Variants in UBE3C observed in about 807,000 individuals in gnomAD.
The protein encoded by UBE3C is ubiquitin protein ligase E3C, also known as ubiquitin-protein ligase E3C.
UBE3C carries 42 observed loss-of-function variants against 129.4 expected under a neutral mutation model. The ratio of observed to expected loss-of-function variants is 0.32; its 90% CI spans 0.25 to 0.42. UBE3C has a LOEUF of 0.42. UBE3C is among the 10% of genes least tolerant of loss of function. The pLI, the probability that UBE3C is intolerant of heterozygous loss-of-function variation, is 1.00. For synonymous variants in UBE3C, 510 were observed against 492.4 expected (o/e 1.04, Z -0.47); for missense variants, 1,049 against 1,319.1 (o/e 0.80, Z 3.17).
intron 10 of UBE3C, among the ~76,000 whole-genome samples, chr7:157,199,961 T>C (rs1809234923): frequency 6.6e-6 from 1 of 152,158 alleles, no homozygotes; most frequent in African/African-American, 2.4e-5. Flanking sequence ...GGAGACCCCG[T>C]TTGAGATTCT....
intron 15 of UBE3C, chr7:157,221,025 C>T (rs1795722661): frequency 2.4e-6 from 1 of 423,012 alleles, no homozygotes; most frequent in East Asian, 4.5e-5. Flanking sequence ...CCAAAGGGAA[C>T]CATGCTGTGT....
Position 157,216,720 on chromosome 7 carries a change from G to A in UBE3C, c.1810-147G>A, listed in dbSNP as rs1030545100. 3 of 645,270 alleles carry A rather than the reference G, an allele frequency of 4.6e-6. No individual in the cohort carries two copies. The African/African-American group carries it at 5.6e-5, about 12-fold the overall frequency. 40.0% of individuals were successfully genotyped at this position (645,270 alleles called of 1,614,324 possible). Reference sequence around the variant, plus strand: ...TACATTATTGTGATGGCAAAAAGAAGCCCTTTTCTGTGAGCGGGTTTGGTG... The same window carrying A: ...TACATTATTGTGATGGCAAAAAGAAACCCTTTTCTGTGAGCGGGTTTGGTG... On this transcript the variant is annotated intron_variant, in intron 13 of 22. Coordinates refer to ENST00000348165, the MANE Select transcript of UBE3C (RefSeq NM_014671.3).
In UBE3C at chr7:157,201,596, A is replaced by T. The variant is rs1019523707; in HGVS notation, c.1332-125A>T. On this transcript the variant is annotated intron_variant, in intron 10 of 22. Transcript: ENST00000348165. ...TGAGGCAGCTTTTTGTGGTATTAGT[A>T]CAGAGATTTGCTAAATTGTACGTTG... is the stretch of plus-strand genomic sequence containing the variant. 6 of 645,838 alleles carry T rather than the reference A, an allele frequency of 9.3e-6. No homozygotes were observed. The African/African-American group carries it at 1.2e-4, about 13-fold the overall frequency. The allele number at this position is 645,838 out of a possible 1,614,324, so 40.0% of individuals were successfully genotyped here. A position where few individuals can be genotyped will look rare whatever the true frequency, so the allele number is the denominator to read the frequency against.
chr7:157,259,487 G>A (rs927174584), intron 22 of UBE3C, among the ~76,000 whole-genome samples: 2 of 152,144 alleles, frequency 1.3e-5, no homozygotes, highest in African/African-American at 2.4e-5. Context: ...GGCCAAAAAC[G>A]AAATAATTCA....
chr7:157,140,820 G>C (rs999362617), intron 1 of UBE3C, among the ~76,000 whole-genome samples: 10 of 152,188 alleles, frequency 6.6e-5, no homozygotes, highest in Admixed American at 2.0e-4. Flanking sequence ...AATCTCAAGG[G>C]AAGATAGCAC....
intron 16 of UBE3C, 149 bp from the exon 17 acceptor site, chr7:157,225,258 T>C: frequency 1.3e-6 from 1 of 742,260 alleles, no homozygotes; most frequent in Non-Finnish European, 2.0e-6. Flanking sequence ...ATACATTTAT[T>C]GATAAAAATC....
intron 22 of UBE3C, 121 bp from the exon 23 acceptor site, chr7:157,267,464 A>C: frequency 8.0e-7 from 1 of 1,248,794 alleles, no homozygotes. Context: ...TGGTTTCGGG[A>C]AAATGTGACT....
intron 1 of UBE3C, among the ~76,000 whole-genome samples, chr7:157,159,455 G>T (rs1247636537): frequency 6.6e-6 from 1 of 152,118 alleles, no homozygotes; most frequent in African/African-American, 2.4e-5. Context: ...CCAAGTAAAA[G>T]GACACATTCA....
intron 9 of UBE3C, among the ~76,000 whole-genome samples, chr7:157,185,832 A>T (rs1808789982): frequency 6.6e-6 from 1 of 152,214 alleles, no homozygotes; most frequent in African/African-American, 2.4e-5. Context: ...CAGGTTTGAC[A>T]GATGAATTTA....
chr7:157,209,475 T>C (rs1809530194), intron 13 of UBE3C, among the ~76,000 whole-genome samples: 1 of 152,236 alleles, frequency 6.6e-6, no homozygotes, highest in East Asian at 1.9e-4. Context: ...ATTGACAAAT[T>C]TGCAATTTTT....
At chr7:157,260,434 G>A (rs1181363706) in intron 22 of UBE3C, among the ~76,000 whole-genome samples, 3 of 152,170 alleles carry the variant, frequency 2.0e-5, no homozygotes, top group African/African-American at 4.8e-5. Flanking sequence ...TGACCCATGT[G>A]ACCAGATAGG....
At chr7:157,244,484 G>A (rs1019748217) in intron 18 of UBE3C, among the ~76,000 whole-genome samples, 1 of 152,112 alleles carries the variant, frequency 6.6e-6, no homozygotes, top group Non-Finnish European at 1.5e-5. Context: ...TGCTCAGTTA[G>A]GATGGCTTTA....
chr7:157,164,093 T>TA (rs762419858), intron 2 of UBE3C, among the ~76,000 whole-genome samples: 3 of 152,116 alleles, frequency 2.0e-5, no homozygotes, highest in Non-Finnish European at 4.4e-5. Flanking sequence ...TTGGTTGACT[T>TA]ACATAATGAT....
At position 157,256,928 on chromosome 7, in the gene UBE3C, G is replaced by A. The variant is rs1384045578; in HGVS notation, c.2965G>A (p.Asp989Asn). The change falls in exon 22 of 23, where the codon GAC (aspartate) becomes AAC (asparagine). Residue 989 changes from aspartate (D) to asparagine (N), a missense_variant. Asp to Asn is a conservative substitution (Grantham distance 23). This residue lies in a region of UBE3C where 243 missense variants were observed against 368.7 expected (regional missense o/e 0.66). Transcript: ENST00000348165. ...TTTTGCCATAGGAGGCTATTCTGCA[G>A]ACCATCCTGTTATTAAGGTCTTCTG... is the stretch of plus-strand genomic sequence containing the variant. The part of the protein sequence containing the change: ...FTNYSGGYSA[D>N]HPVIKVFWRV... 3.1e-6 allele frequency: 5 copies of A among 1,614,142 alleles called. No homozygotes were observed. In the East Asian group the frequency reaches 1.1e-4, roughly 36 times the overall value.
At chr7:157,207,671 GA>G in intron 12 of UBE3C, 31 bp from the exon 13 acceptor site, 1 of 1,599,150 alleles carries the variant, frequency 6.3e-7, no homozygotes, top group South Asian at 1.1e-5. Context: ...GATGGAAAAA[GA>G]AACAATAGAA....
chr7:157,149,588 C>T (rs997785774), intron 1 of UBE3C, among the ~76,000 whole-genome samples: 7 of 152,160 alleles, frequency 4.6e-5, no homozygotes, highest in African/African-American at 1.7e-4. Context: ...GTGCCTTAAG[C>T]ATCTGGCTTG....
intron 6 of UBE3C, among the ~76,000 whole-genome samples, chr7:157,179,099 A>C (rs1276219178): frequency 1.3e-5 from 2 of 150,684 alleles, no homozygotes; most frequent in African/African-American, 4.9e-5. Flanking sequence ...GAAGTGAACC[A>C]AAATTGACAT....
chr7:157,156,392 C>T (rs1226583022), intron 1 of UBE3C, among the ~76,000 whole-genome samples: 1 of 150,148 alleles, frequency 6.7e-6, no homozygotes, highest in African/African-American at 2.5e-5. Context: ...CTGCAGCCTC[C>T]ACCTCCCAGG....
At chr7:157,225,950 CAA>C (rs1236793770) in intron 17 of UBE3C, among the ~76,000 whole-genome samples, 1 of 151,006 alleles carries the variant, frequency 6.6e-6, no homozygotes, top group Admixed American at 6.6e-5. Context: ...ACCCAGTCTC[CAA>C]AAAAAAGTGT....
Sources: gnomAD v4.1 joint callset for allele counts (sites outside exome capture counted in the v4.1 genomes callset) on GRCh38, gnomAD v4.1.1 for gene constraint, gnomAD v4.1.1 regional missense constraint, MANE v1.5 for transcripts, NCBI Gene and HGNC (gene_info 2026-07-23, HGNC 2026-07-21) for gene names.